SAMD5: variants seen among roughly 807,000 people sequenced by gnomAD.
SAMD5 encodes the protein sterile alpha motif domain containing 5.
SAMD5 carries 13 observed loss-of-function variants against 11.3 expected under a neutral mutation model. The observed-to-expected ratio is 1.15, with a 90% CI of 0.75 to 1.83. SAMD5 has a LOEUF of 1.83. Ranked by LOEUF, SAMD5 falls within the 40% of genes most tolerant of loss-of-function variation. The pLI is 0.00. For missense variants in SAMD5, 255 were observed against 239.1 expected, an observed-to-expected ratio of 1.07 and a Z score of -0.44; for synonymous variants, 129 against 111.3, an observed-to-expected ratio of 1.16 and a Z score of -1.00.
chr6:147,701,784 C>A (rs1211112806), intron 1 of SAMD5, among the ~76,000 whole-genome samples: 1 of 152,104 alleles, frequency 6.6e-6, no homozygotes, highest in Non-Finnish European at 1.5e-5. Context: ...AATATGCTTG[C>A]CAAACACAAG....
chr6:147,640,666 C>A (rs1417191568), intron 1 of SAMD5, among the ~76,000 whole-genome samples: 1 of 151,952 alleles, frequency 6.6e-6, no homozygotes, highest in African/African-American at 2.4e-5. Flanking sequence ...CCAAATAAAC[C>A]AGTCCCATCC....
the SAMD5 span, among the ~76,000 whole-genome samples, chr6:147,783,903 C>T: frequency 6.6e-6 from 1 of 152,148 alleles, no homozygotes; most frequent in Admixed American, 6.5e-5. Flanking sequence ...GAGGTGGAAT[C>T]TGAAATAAAA....
intron 1 of SAMD5, among the ~76,000 whole-genome samples, chr6:147,676,882 A>G (rs1790870727): frequency 6.6e-6 from 1 of 151,738 alleles, no homozygotes; most frequent in Admixed American, 6.6e-5. Context: ...GGGCTGGATG[A>G]AATACAGAAT....
chr6:147,859,518 A>G, the SAMD5 span, among the ~76,000 whole-genome samples: 103 of 152,344 alleles, frequency 6.8e-4, no homozygotes, highest in African/African-American at 2.4e-3. Flanking sequence ...GCTTTCCTTT[A>G]TAAGTTGACA....
At chr6:147,558,676 G>C (rs1562320304) in intron 1 of SAMD5, among the ~76,000 whole-genome samples, 3 of 151,904 alleles carry the variant, frequency 2.0e-5, no homozygotes, top group Non-Finnish European at 4.4e-5. Flanking sequence ...TCAGAACTGA[G>C]AAGTGGTCCG....
chr6:147,555,940 A>AT (rs2128443553), intron 1 of SAMD5, among the ~76,000 whole-genome samples: 1 of 152,322 alleles, frequency 6.6e-6, no homozygotes, highest in East Asian at 1.9e-4. Flanking sequence ...TTAAAAACAT[A>AT]TTGCCACAGA....
intron 1 of SAMD5, among the ~76,000 whole-genome samples, chr6:147,575,955 A>G (rs567472947): frequency 1.3e-5 from 2 of 152,252 alleles, no homozygotes; most frequent in South Asian, 4.1e-4. Flanking sequence ...TTTTAATAAT[A>G]ATGCCTGATT....
the SAMD5 span, among the ~76,000 whole-genome samples, chr6:147,915,413 T>A: frequency 2.0e-5 from 3 of 152,228 alleles, no homozygotes; most frequent in Non-Finnish European, 2.9e-5. Context: ...ATTAAAATAT[T>A]TAAAACATTT....
At chr6:147,606,617 G>A (rs1197423804) in intron 1 of SAMD5, among the ~76,000 whole-genome samples, 2 of 151,784 alleles carry the variant, frequency 1.3e-5, no homozygotes, top group African/African-American at 4.8e-5. Context: ...GTGGGTAACA[G>A]ATAGAGGAAT....
the SAMD5 span, among the ~76,000 whole-genome samples, chr6:147,800,514 G>A: frequency 6.6e-6 from 1 of 152,214 alleles, no homozygotes; most frequent in Non-Finnish European, 1.5e-5. Flanking sequence ...GGTTACTGCT[G>A]TCTCTTTGTT....
chr6:147,731,373 A>AAT (rs1791710194), intron 1 of SAMD5, among the ~76,000 whole-genome samples: 1 of 152,160 alleles, frequency 6.6e-6, no homozygotes, highest in African/African-American at 2.4e-5. Context: ...TTGGAAGGTT[A>AAT]ATATATATAG....
chr6:147,838,424 TG>T, the SAMD5 span, among the ~76,000 whole-genome samples: 69 of 152,036 alleles, frequency 4.5e-4, no homozygotes, highest in African/African-American at 1.6e-3. Context: ...ACCTGTAAAA[TG>T]GGTAATAATA....
intron 1 of SAMD5, among the ~76,000 whole-genome samples, chr6:147,525,675 G>A (rs1346631344): frequency 1.3e-5 from 2 of 151,976 alleles, no homozygotes; most frequent in Admixed American, 6.6e-5. Context: ...AGCTATGGGG[G>A]TTGGTTACTA....
chr6:147,669,559 C>T (rs1790769061), intron 1 of SAMD5, among the ~76,000 whole-genome samples: 1 of 151,388 alleles, frequency 6.6e-6, no homozygotes, highest in African/African-American at 2.4e-5. Flanking sequence ...TCCCAAGTAG[C>T]TGGGACTACA....
At chr6:147,551,284 G>C (rs992077826) in intron 1 of SAMD5, among the ~76,000 whole-genome samples, 2 of 152,016 alleles carry the variant, frequency 1.3e-5, no homozygotes, top group African/African-American at 4.8e-5. Flanking sequence ...GATAGAACCG[G>C]GTCTTAAAAT....
chr6:147,606,621 G>A (rs1216247936), intron 1 of SAMD5, among the ~76,000 whole-genome samples: 2 of 151,768 alleles, frequency 1.3e-5, no homozygotes, highest in Non-Finnish European at 2.9e-5. Flanking sequence ...GTAACAGATA[G>A]AGGAATCACA....
intron 1 of SAMD5, among the ~76,000 whole-genome samples, chr6:147,630,155 G>T (rs923762215): frequency 1.4e-4 from 21 of 151,938 alleles, no homozygotes; most frequent in African/African-American, 4.4e-4. Flanking sequence ...CTCCATGTTG[G>T]TCAGGCTGGT....
chr6:147,624,074 T>C (rs1055646140), intron 1 of SAMD5, among the ~76,000 whole-genome samples: 4 of 152,294 alleles, frequency 2.6e-5, no homozygotes, highest in South Asian at 2.1e-4. Flanking sequence ...TTTGCCATGT[T>C]GGCCAGACTG....
intron 1 of SAMD5, among the ~76,000 whole-genome samples, chr6:147,658,147 G>C (rs187069442): frequency 9.7e-4 from 148 of 152,328 alleles, no homozygotes; most frequent in Non-Finnish European, 1.6e-3. Flanking sequence ...CCAGTCCTAT[G>C]ACCTCTGGGG....
Sources: allele counts gnomAD v4.1 joint callset (sites outside exome capture counted in the v4.1 genomes callset), GRCh38; gene constraint gnomAD v4.1.1; transcripts MANE v1.5; gene names NCBI Gene and HGNC (gene_info 2026-07-23, HGNC 2026-07-21).